Variants in ANKRD44 observed in about 807,000 individuals in gnomAD.
The protein encoded by ANKRD44 is serine/threonine-protein phosphatase 6 regulatory ankyrin repeat subunit B.
ANKRD44 carries 35 observed loss-of-function variants against 116.0 expected under a neutral mutation model. The ratio of observed to expected loss-of-function variants is 0.30; its 90% CI spans 0.23 to 0.40. The LOEUF (loss-of-function observed/expected upper bound fraction) is 0.40, where lower values mean the gene tolerates loss of function less well. ANKRD44 is among the 10% of genes least tolerant of loss of function. The pLI is 1.00. For missense variants in ANKRD44, 1,014 were observed against 1,242.6 expected (o/e 0.82, Z 2.77); for synonymous variants, 435 against 461.8 (o/e 0.94, Z 0.74).
chr2:197,236,341 T>A (rs773319824), intron 1 of ANKRD44, among the ~76,000 whole-genome samples: 26 of 152,052 alleles, frequency 1.7e-4, no homozygotes, highest in Admixed American at 6.5e-4. Flanking sequence ...CATCCACAAG[T>A]ATCTGAACCA....
chr2:197,288,445 A>G (rs2083467933), intron 1 of ANKRD44, among the ~76,000 whole-genome samples: 1 of 152,218 alleles, frequency 6.6e-6, no homozygotes, highest in Non-Finnish European at 1.5e-5. Context: ...AAAAACACAT[A>G]TAAATAACTT....
At chr2:196,976,859 T>A (rs1224189220) in intron 21 of ANKRD44, among the ~76,000 whole-genome samples, 1 of 150,608 alleles carries the variant, frequency 6.6e-6, no homozygotes, top group Non-Finnish European at 1.5e-5. Context: ...CAGAGTGAGA[T>A]CTTGTCTCAA....
intron 4 of ANKRD44, chr2:197,134,020 C>T (rs2079160294): frequency 8.4e-6 from 1 of 118,880 alleles, no homozygotes. Flanking sequence ...ATGGCGTGAT[C>T]TTGGCTCACC....
intron 2 of ANKRD44, among the ~76,000 whole-genome samples, chr2:197,172,856 A>G (rs1041938472): frequency 6.6e-6 from 1 of 152,064 alleles, no homozygotes; most frequent in Admixed American, 6.6e-5. Context: ...TTGAGCCACC[A>G]CACCTGACCA....
At chr2:197,154,774 G>A (rs2079765429) in intron 2 of ANKRD44, among the ~76,000 whole-genome samples, 1 of 152,122 alleles carries the variant, frequency 6.6e-6, no homozygotes, top group South Asian at 2.1e-4. Flanking sequence ...TCATAAAGCT[G>A]AATTTTCCTT....
At chr2:197,248,554 ATGTG>A (rs3057750) in intron 1 of ANKRD44, among the ~76,000 whole-genome samples, 2,280 of 135,222 alleles carry the variant, frequency 0.017, 20 homozygotes, top group Non-Finnish European at 0.022. Context: ...ATATATGTAT[ATGTG>A]TGTGTGTGTG....
chr2:196,982,183 G>C (rs2075806709), downstream of ANKRD44, among the ~76,000 whole-genome samples: 1 of 147,818 alleles, frequency 6.8e-6, no homozygotes, highest in Non-Finnish European at 1.5e-5. Flanking sequence ...TATACAGAAA[G>C]TAGGCTTGCA....
chr2:197,132,279 G>A (rs778559617), intron 4 of ANKRD44, among the ~76,000 whole-genome samples: 16 of 152,314 alleles, frequency 1.1e-4, no homozygotes, highest in Non-Finnish European at 2.1e-4. Flanking sequence ...ACACAAGACA[G>A]CCTGGTCAGC....
At chr2:197,260,997 G>A (rs1197770428) in intron 1 of ANKRD44, among the ~76,000 whole-genome samples, 1 of 151,366 alleles carries the variant, frequency 6.6e-6, no homozygotes, top group African/African-American at 2.4e-5. Flanking sequence ...AGATCAGTAG[G>A]TTGCAAAAAT....
chr2:197,216,879 C>CACACACACAT (rs1466982498), intron 1 of ANKRD44, among the ~76,000 whole-genome samples: 1 of 150,768 alleles, frequency 6.6e-6, no homozygotes, highest in African/African-American at 2.4e-5. Flanking sequence ...AACACACACA[C>CACACACACAT]ACACACACAC....
At chr2:197,034,902 G>A (rs2076780537) in intron 16 of ANKRD44, among the ~76,000 whole-genome samples, 1 of 152,152 alleles carries the variant, frequency 6.6e-6, no homozygotes, top group South Asian at 2.1e-4. Context: ...TGAACTCTCT[G>A]GTTCACTTGG....
At chr2:197,174,989 T>C (rs983992800) in intron 2 of ANKRD44, among the ~76,000 whole-genome samples, 1 of 152,220 alleles carries the variant, frequency 6.6e-6, no homozygotes, top group African/African-American at 2.4e-5. Context: ...TAAAATTTTA[T>C]GATGGTTCTT....
At chr2:197,202,467 T>C (rs982860182) in intron 1 of ANKRD44, among the ~76,000 whole-genome samples, 84 of 151,746 alleles carry the variant, frequency 5.5e-4, no homozygotes, top group African/African-American at 1.8e-3. Context: ...CCAGAAGAGC[T>C]AGACGACCAA....
Position 196,987,537 on chromosome 2 carries a change from A to G in ANKRD44, c.*2054T>C. ...AAAGAATAACTAGTGCAGCAAATCC[A>G]TTTGATGTTCTTGTTCTAATTTAAT... On this transcript the variant is annotated 3_prime_UTR_variant, in exon 28 of 28. Coordinates refer to ENST00000282272, the MANE Select transcript of ANKRD44 (RefSeq NM_001195144.2). 2.0e-6 allele frequency: 2 copies of G among 985,450 alleles called. No individual in the cohort carries two copies. The highest frequency in any genetic ancestry group is 2.4e-6 in the Non-Finnish European group (2 of 829,924). The allele number at this position is 985,450 out of a possible 1,614,324, so 61.0% of individuals were successfully genotyped here.
At chr2:197,180,066 C>T (rs1445352461) in intron 2 of ANKRD44, among the ~76,000 whole-genome samples, 1 of 151,948 alleles carries the variant, frequency 6.6e-6, no homozygotes, top group Non-Finnish European at 1.5e-5. Context: ...TCCACCTCCC[C>T]CACCCCGGCC....
intron 1 of ANKRD44, among the ~76,000 whole-genome samples, chr2:197,304,912 G>T (rs1032376212): frequency 6.6e-6 from 1 of 152,198 alleles, no homozygotes; most frequent in Non-Finnish European, 1.5e-5. Flanking sequence ...CTGTAGACCT[G>T]ACTCAAAAGA....
chr2:197,252,807 G>T (rs1457448284), intron 1 of ANKRD44, among the ~76,000 whole-genome samples: 1 of 152,056 alleles, frequency 6.6e-6, no homozygotes, highest in Non-Finnish European at 1.5e-5. Context: ...ATGCTGCTAG[G>T]CAAAAGACCT....
At chr2:197,093,701 T>A (rs977772093) in intron 10 of ANKRD44, among the ~76,000 whole-genome samples, 1 of 152,220 alleles carries the variant, frequency 6.6e-6, no homozygotes, top group Non-Finnish European at 1.5e-5. Flanking sequence ...ATGATTTATG[T>A]ATTTCAAAAT....
intron 10 of ANKRD44, chr2:197,099,454 G>A (rs2078238759): frequency 2.1e-6 from 2 of 940,764 alleles, no homozygotes; most frequent in Non-Finnish European, 2.6e-6. Flanking sequence ...CATTAAAGCT[G>A]AGCAAGCAAT....
Sources: gnomAD v4.1 joint callset for allele counts (sites outside exome capture counted in the v4.1 genomes callset) on GRCh38, gnomAD v4.1.1 for gene constraint, MANE v1.5 for transcripts, NCBI Gene and HGNC (gene_info 2026-07-23, HGNC 2026-07-21) for gene names.